The following USF2 variants were observed in gnomAD, a reference collection of about 807,000 sequenced individuals.
USF2 encodes the protein upstream transcription factor 2, c-fos interacting.
A neutral mutation model predicts 46.9 loss-of-function variants in USF2; 16 were observed. The ratio of observed to expected loss-of-function variants is 0.34; its 90% CI spans 0.23 to 0.52. USF2 has a LOEUF of 0.52. USF2 is among the 20% of genes least tolerant of loss of function. The pLI is 0.96. For synonymous variants in USF2, 239 were observed against 194.1 expected, an observed-to-expected ratio of 1.23 and a Z score of -1.92; for missense variants, 411 against 474.0, an observed-to-expected ratio of 0.87 and a Z score of 1.23.
In USF2 at chr19:35,270,533, G is replaced by T; in HGVS notation, c.516G>T (p.Ala172=). The change falls in exon 5 of 10, where the codon GCG becomes GCT. Residue 172 remains alanine (A), a synonymous_variant. Transcript: ENST00000222305. ...AGGCACGATTTGCCTATTTCCCAGC[G>T]TCCAGTGTGGGAGATACTACGGCTG... The part of the protein sequence containing the change: ...SGEARFAYFP[A]SSVGDTTAVS... 6.2e-7 allele frequency: 1 copy of T among 1,614,168 alleles called. No homozygotes were observed. Among genetic ancestry groups the T allele is most frequent in the Non-Finnish European group, 8.5e-7 (1 of 1,180,008 alleles).
chr19:35,273,132 T>C (rs1297372636), intron 7 of USF2, among the ~76,000 whole-genome samples: 5 of 152,044 alleles, frequency 3.3e-5, no homozygotes, highest in Non-Finnish European at 7.4e-5. Flanking sequence ...GAAGCAGTCT[T>C]CATCACCTGC....
Position 35,269,505 on chromosome 19 carries a change from CG to C in USF2, c.109+16del. Reference sequence around the variant, plus strand: ...GAGCTGCAGGAAGGTGAGTGCTTGCCGGGCCGGCCGCGCCCGGGGAGGGCTG... The same window carrying C: ...GAGCTGCAGGAAGGTGAGTGCTTGCCGGCCGGCCGCGCCCGGGGAGGGCTG... On this transcript the variant is annotated intron_variant, in intron 2 of 9. Transcript: ENST00000222305. The C allele has an allele frequency of 6.5e-7, 1 of 1,544,420 alleles. No homozygotes were observed. The highest frequency in any genetic ancestry group is 1.2e-5 in the South Asian group (1 of 83,322).
In USF2 at chr19:35,269,644, C is replaced by T; in HGVS notation, c.173C>T (p.Ala58Val). 6.3e-7 allele frequency: 1 copy of T among 1,597,092 alleles called. No individual in the cohort carries two copies. The highest frequency in any genetic ancestry group is 8.5e-7 in the Non-Finnish European group (1 of 1,173,048). ...GCCATCACCAGCGTCCAGCAGGCGGCGTTCGGCGACCACAACATCCAGTAC... is the reference window on the plus strand; with the variant it reads ...GCCATCACCAGCGTCCAGCAGGCGGTGTTCGGCGACCACAACATCCAGTAC... ...AVAITSVQQA[A>V]FGDHNIQYQF... is the part of the protein sequence containing the mutation. Residue 58 changes from alanine (A) to valine (V), a missense_variant, in exon 3 of 10, where the codon GCG becomes GTG. Ala to Val is a moderately conservative substitution (Grantham distance 64, BLOSUM62 0). Around this residue, in one of 2 missense-constraint regions of USF2, gnomAD observed 318 missense variants for 322.4 expected, o/e 0.99. Transcript: ENST00000222305.
intron 7 of USF2, among the ~76,000 whole-genome samples, chr19:35,272,364 C>T (rs960936466): frequency 3.3e-5 from 5 of 152,022 alleles, no homozygotes; most frequent in African/African-American, 1.2e-4. Flanking sequence ...CTGAAGGGCT[C>T]TTCGAGAGGT....
intron 7 of USF2, chr19:35,277,119 ACT>A (rs1262487386): frequency 1.3e-5 from 2 of 152,180 alleles, no homozygotes; most frequent in Non-Finnish European, 2.9e-5. Flanking sequence ...CCAGGCCTGG[ACT>A]CTCAGCTCCG....
intron 7 of USF2, 40 bp from the exon 8 acceptor site, chr19:35,278,658 T>G (rs28365136): frequency 0.22 from 349,889 of 1,604,778 alleles, 40,148 homozygotes; most frequent in Middle Eastern, 0.25. Context: ...TCAGGCATGA[T>G]CCGTCAGCGA....
chr19:35,269,629 G>T lies in USF2; in HGVS notation c.158G>T (p.Ser53Ile). The change falls in exon 3 of 10, where the codon AGC becomes ATC. Residue 53 changes from serine to isoleucine, a missense_variant. Ser to Ile is a moderately radical substitution (Grantham distance 142). This residue lies in a region of USF2 where 318 missense variants were observed against 322.4 expected (regional missense o/e 0.99). Transcript: ENST00000222305. ...GAGCAGACAGCGGTGGCCATCACCA[G>T]CGTCCAGCAGGCGGCGTTCGGCGAC... The part of the protein sequence containing the change: ...AEEQTAVAIT[S>I]VQQAAFGDHN... 6.3e-7 allele frequency: 1 copy of T among 1,596,730 alleles called. No homozygotes were observed. Among genetic ancestry groups the T allele is most frequent in the South Asian group, 1.1e-5 (1 of 89,136 alleles).
At chr19:35,278,417 T>C (rs1310648046) in intron 7 of USF2, 5 of 411,360 alleles carry the variant, frequency 1.2e-5, no homozygotes, top group African/African-American at 1.0e-4. Context: ...TGTACAAGTA[T>C]GGTGGGGCAG....
intron 7 of USF2, among the ~76,000 whole-genome samples, chr19:35,272,900 C>T (rs896578715): frequency 6.6e-6 from 1 of 151,978 alleles, no homozygotes; most frequent in Non-Finnish European, 1.5e-5. Flanking sequence ...CCACGACTTA[C>T]CTGTGGTGGG....
chr19:35,278,834 C>T (rs1307749512), intron 8 of USF2, 42 bp downstream of exon 8: 2 of 1,612,110 alleles, frequency 1.2e-6, no homozygotes, highest in Non-Finnish European at 1.7e-6. Context: ...GGTCCCGGCC[C>T]CCGACCCTTG....
At chr19:35,272,071 G>A (rs1279576550) in intron 7 of USF2, among the ~76,000 whole-genome samples, 1 of 152,180 alleles carries the variant, frequency 6.6e-6, no homozygotes, top group Non-Finnish European at 1.5e-5. Context: ...CCTAAAGGTG[G>A]TGATGGGACT....
intron 7 of USF2, among the ~76,000 whole-genome samples, chr19:35,272,337 C>T (rs928118708): frequency 6.6e-5 from 10 of 151,918 alleles, no homozygotes; most frequent in South Asian, 6.2e-4. Context: ...CGGGTGATGG[C>T]GGCATGGTAG....
chr19:35,274,159 C>T (rs937575548), intron 7 of USF2, among the ~76,000 whole-genome samples: 8 of 152,220 alleles, frequency 5.3e-5, no homozygotes, highest in African/African-American at 1.9e-4. Context: ...CTCTGGACAT[C>T]CCTGTAATGC....
chr19:35,279,322 T>C lies in USF2; in HGVS notation c.*66T>C. On this transcript the variant is annotated 3_prime_UTR_variant, in exon 10 of 10. Transcript: ENST00000222305. ...CTCTGCTGCCCCCTTCCCCAGCCCT[T>C]AGCACAGAGAGGGACACATGCCCCT... 6 of 1,418,188 alleles carry C rather than the reference T, an allele frequency of 4.2e-6. No individual in the cohort carries two copies. The highest frequency in any genetic ancestry group is 5.5e-6 in the Non-Finnish European group (6 of 1,083,338). 87.9% of individuals were successfully genotyped at this position (1,418,188 alleles called of 1,614,324 possible). A position where few individuals can be genotyped will look rare whatever the true frequency, so the allele number is the denominator to read the frequency against.
At chr19:35,274,973 AGGT>A (rs2066212137) in intron 7 of USF2, 1 of 152,222 alleles carries the variant, frequency 6.6e-6, no homozygotes, top group African/African-American at 2.4e-5. Flanking sequence ...TCTGATTTTT[AGGT>A]GCCAGATTAG....
intron 7 of USF2, among the ~76,000 whole-genome samples, chr19:35,271,427 C>A (rs957703708): frequency 6.6e-6 from 1 of 152,206 alleles, no homozygotes; most frequent in South Asian, 2.1e-4. Flanking sequence ...CACTCCCATA[C>A]GGATTGCCTG....
chr19:35,271,919 C>T (rs935650035), intron 7 of USF2, among the ~76,000 whole-genome samples: 4 of 152,010 alleles, frequency 2.6e-5, no homozygotes, highest in African/African-American at 9.7e-5. Flanking sequence ...GCTGGGGTGA[C>T]GCTTCCCTAG....
At chr19:35,278,592 C>A in intron 7 of USF2, 106 bp from the exon 8 acceptor site, 2 of 1,133,460 alleles carry the variant, frequency 1.8e-6, no homozygotes, top group South Asian at 1.4e-5. Flanking sequence ...CTCGGTGGGG[C>A]CTGCACTGTT....
At chr19:35,273,297 A>G (rs1031858931) in intron 7 of USF2, among the ~76,000 whole-genome samples, 5 of 151,984 alleles carry the variant, frequency 3.3e-5, no homozygotes, top group African/African-American at 1.2e-4. Context: ...TGCCACATCC[A>G]CTGGCCTCCT....
Sources: gnomAD v4.1 joint callset for allele counts (sites outside exome capture counted in the v4.1 genomes callset) on GRCh38, gnomAD v4.1.1 for gene constraint, gnomAD v4.1.1 regional missense constraint, MANE v1.5 for transcripts, NCBI Gene and HGNC (gene_info 2026-07-23, HGNC 2026-07-21) for gene names.